The following FGD4 variants were observed in gnomAD, a reference collection of about 807,000 sequenced individuals.
FGD4 encodes FYVE, RhoGEF and PH domain containing 4.
A neutral mutation model predicts 102.0 loss-of-function variants in FGD4; 42 were observed. That is an observed-to-expected ratio of 0.41 (90% CI 0.32 to 0.53). FGD4 has a LOEUF of 0.53. FGD4 is among the 20% of genes least tolerant of loss of function. The probability of loss-of-function intolerance (pLI) is 0.21; values close to 1 mark genes in which losing one functional copy is unlikely to be tolerated. For synonymous variants in FGD4, 380 were observed against 375.7 expected (o/e 1.01, Z -0.13); for missense variants, 902 against 1,078.2 (o/e 0.84, Z 2.29).
rs1407428770 is a variant in FGD4 at position 32,633,668 on chromosome 12, G to A, written c.2292G>A (p.Lys764=). 1 of 1,603,268 alleles carries A rather than the reference G, an allele frequency of 6.2e-7. No individual in the cohort carries two copies. The highest frequency in any genetic ancestry group is 8.5e-7 in the Non-Finnish European group (1 of 1,170,524). Residue 764 remains lysine (K), a synonymous_variant, in exon 15 of 17, where the codon AAG becomes AAA. Coordinates refer to ENST00000534526, the MANE Select transcript of FGD4 (RefSeq NM_001370298.3). ...IISGFTDSEE[K]KRKGILEIES... Reference sequence around the variant, plus strand: ...GTGGATTCACAGACAGTGAAGAAAAGAAAAGAAAAGGAATTTTAGAGGTAA... The same window carrying A: ...GTGGATTCACAGACAGTGAAGAAAAAAAAAGAAAAGGAATTTTAGAGGTAA...
intron 1 of FGD4, among the ~76,000 whole-genome samples, chr12:32,453,200 T>TATTATATATATA (rs1555183324): frequency 1.5e-5 from 1 of 64,590 alleles, no homozygotes; most frequent in African/African-American, 5.0e-5. Context: ...TATATATATA[T>TATTATATATATA]TATATATATA....
chr12:32,546,438 C>G (rs1943227777), intron 1 of FGD4, among the ~76,000 whole-genome samples: 1 of 152,256 alleles, frequency 6.6e-6, no homozygotes, highest in Non-Finnish European at 1.5e-5. Context: ...GAGCAGTGAC[C>G]TTGGAATTAA....
chr12:32,443,657 C>A (rs1393703078), intron 1 of FGD4, among the ~76,000 whole-genome samples: 1 of 148,316 alleles, frequency 6.7e-6, no homozygotes, highest in East Asian at 2.0e-4. Flanking sequence ...TCTGGAGTAT[C>A]TGGGACTACA....
At chr12:32,594,678 G>A (rs775996500) in intron 4 of FGD4, among the ~76,000 whole-genome samples, 5 of 152,078 alleles carry the variant, frequency 3.3e-5, no homozygotes, top group Non-Finnish European at 7.4e-5. Context: ...TCCTGGAACT[G>A]TACACCAAAA....
chr12:32,507,801 A>G (rs1400257147), intron 1 of FGD4, among the ~76,000 whole-genome samples: 1 of 152,192 alleles, frequency 6.6e-6, no homozygotes, highest in Non-Finnish European at 1.5e-5. Context: ...TATCCTGGGT[A>G]TTAAGGAAGT....
intron 1 of FGD4, among the ~76,000 whole-genome samples, chr12:32,409,567 G>A (rs1039193240): frequency 6.7e-6 from 1 of 150,034 alleles, no homozygotes; most frequent in South Asian, 2.1e-4. Context: ...GATTACAGGT[G>A]TAAGCCACTG....
chr12:32,497,497 A>G (rs762367994), intron 1 of FGD4, among the ~76,000 whole-genome samples: 3 of 152,202 alleles, frequency 2.0e-5, no homozygotes, highest in Non-Finnish European at 4.4e-5. Context: ...TGTGGTTTCA[A>G]TGGTTAGCTC....
At chr12:32,459,458 G>A (rs1056195009) in intron 1 of FGD4, among the ~76,000 whole-genome samples, 6 of 152,002 alleles carry the variant, frequency 3.9e-5, no homozygotes, top group South Asian at 2.1e-4. Flanking sequence ...CTCCCAAAGC[G>A]CTGGGATTAT....
intron 4 of FGD4, among the ~76,000 whole-genome samples, chr12:32,590,695 G>A (rs1947403223): frequency 6.6e-6 from 1 of 152,184 alleles, no homozygotes; most frequent in Non-Finnish European, 1.5e-5. Context: ...TAAAATGAGA[G>A]TGATAATACT....
chr12:32,600,386 T>C, intron 5 of FGD4: 1 of 1,142,894 alleles, frequency 8.7e-7, no homozygotes. Context: ...AGGACATAAT[T>C]TTTTGTTCTT....
chr12:32,596,559 T>A (rs1040780033), intron 4 of FGD4, among the ~76,000 whole-genome samples: 8 of 151,804 alleles, frequency 5.3e-5, no homozygotes, highest in African/African-American at 1.9e-4. Context: ...TCTATGAAAG[T>A]AGAATTATGT....
intron 7 of FGD4, among the ~76,000 whole-genome samples, chr12:32,603,112 G>T (rs1948532134): frequency 6.6e-6 from 1 of 152,110 alleles, no homozygotes; most frequent in Non-Finnish European, 1.5e-5. Context: ...TGTGCTATTA[G>T]TGTCCTGTAT....
intron 15 of FGD4, among the ~76,000 whole-genome samples, chr12:32,637,106 CT>C (rs1950881271): frequency 7.1e-6 from 1 of 141,296 alleles, no homozygotes; most frequent in South Asian, 2.2e-4. Context: ...CCAGGCTTGT[CT>C]CAAACTCCTG....
chr12:32,514,171 A>C (rs1939658766), intron 1 of FGD4, among the ~76,000 whole-genome samples: 1 of 152,212 alleles, frequency 6.6e-6, no homozygotes, highest in East Asian at 1.9e-4. Flanking sequence ...CTCACAATAT[A>C]ACTTAGAAAA....
chr12:32,404,704 G>A (rs1940847973), intron 1 of FGD4, among the ~76,000 whole-genome samples: 1 of 151,896 alleles, frequency 6.6e-6, no homozygotes, highest in Non-Finnish European at 1.5e-5. Flanking sequence ...AATGTTATTT[G>A]TAACATTAAA....
At chr12:32,545,800 G>A (rs113851384) in intron 1 of FGD4, among the ~76,000 whole-genome samples, 89 of 152,284 alleles carry the variant, frequency 5.8e-4, no homozygotes, top group African/African-American at 1.9e-3. Flanking sequence ...AGCTCTTAAC[G>A]TTTTTCTGTT....
chr12:32,521,845 T>A (rs1298528772), intron 1 of FGD4, among the ~76,000 whole-genome samples: 1 of 152,180 alleles, frequency 6.6e-6, no homozygotes, highest in Non-Finnish European at 1.5e-5. Context: ...TAATACGAGA[T>A]TATTTAAGTT....
intron 3 of FGD4, among the ~76,000 whole-genome samples, chr12:32,579,044 T>G (rs560715688): frequency 1.5e-5 from 2 of 137,900 alleles, no homozygotes; most frequent in East Asian, 2.1e-4. Context: ...TAGTGGTTTT[T>G]TTTTTTTTTT....
intron 1 of FGD4, among the ~76,000 whole-genome samples, chr12:32,441,118 G>A (rs1235292634): frequency 1.3e-5 from 2 of 152,136 alleles, no homozygotes; most frequent in African/African-American, 4.8e-5. Context: ...GGGACCCCAA[G>A]AGCTCGCTTG....
Sources: allele counts gnomAD v4.1 joint callset (sites outside exome capture counted in the v4.1 genomes callset), GRCh38; gene constraint gnomAD v4.1.1; transcripts MANE v1.5; gene names NCBI Gene and HGNC (gene_info 2026-07-23, HGNC 2026-07-21).